ABTB2: variants seen among roughly 807,000 people sequenced by gnomAD.
The protein encoded by ABTB2 is ankyrin repeat and BTB domain containing 2, also known as ankyrin repeat and BTB/POZ domain-containing protein 2.
A neutral mutation model predicts 104.1 loss-of-function variants in ABTB2; 56 were observed. The ratio of observed to expected loss-of-function variants is 0.54; its 90% CI spans 0.43 to 0.67. ABTB2 has a LOEUF of 0.67. Among genes scored for constraint, ABTB2 ranks in the 30% least tolerant of loss-of-function variants. ABTB2 has a pLI of 0.00. For missense variants in ABTB2, 1,279 were observed against 1,407.7 expected (o/e 0.91, Z 1.46); for synonymous variants, 606 against 608.2 (o/e 1.00, Z 0.05).
Position 34,160,968 on chromosome 11 carries a change from C to A in ABTB2, c.2332G>T (p.Glu778Ter). Residue 778 changes from glutamate to a stop codon, truncating the protein, a stop_gained, in exon 11 of 17, where the codon GAG (glutamate) becomes TAG (stop). Coordinates refer to ENST00000435224, the MANE Select transcript of ABTB2 (RefSeq NM_145804.3). LOFTEE classifies it high-confidence loss of function. ...TCGGTCACCAGCTCCTCGTTGTACT[C>A]CTCCTCTCTGATGGAGCTGAAGTCC... The part of the protein sequence containing the change: ...LRDFSSIREE[E>*]YNEELVTEGL... The A allele has an allele frequency of 6.2e-7, 1 of 1,613,744 alleles. No individual in the cohort carries two copies. The highest frequency in any genetic ancestry group is 2.2e-5 in the East Asian group (1 of 44,868).
rs547563047 is a variant in ABTB2 at position 34,316,971 on chromosome 11, C to T, written c.883+39730G>A. ...AGATCTGGACGAAACACTCCAGCCC[C>T]ATCAGTGTCTGCTTCAAAACTACTG... On this transcript the variant is annotated intron_variant, in intron 1 of 16. Transcript: ENST00000435224. Among the ~76,000 whole-genome samples the T allele has an allele frequency of 3.1e-3, 474 of 152,290 alleles. 4 individuals carry two copies. Among genetic ancestry groups the T allele is most frequent in the African/African-American group, 0.011 (446 of 41,554 alleles).
chr11:34,284,915 A>G (rs1854486243), intron 1 of ABTB2, among the ~76,000 whole-genome samples: 2 of 152,110 alleles, frequency 1.3e-5, no homozygotes, highest in African/African-American at 2.4e-5. Context: ...TTCATCACTG[A>G]CACTCAGACT....
chr11:34,232,448 TCA>T lies in ABTB2; in HGVS notation c.884-27760_884-27759del, dbSNP rs1491510256. ...CTGGGCAATAGAGGGAGACTCTGTC[TCA>T]AAAAAAAAAAAAAAAATTGTTCTTA... On this transcript the variant is annotated intron_variant, in intron 1 of 16. Transcript: ENST00000435224. 6.2e-4 allele frequency among the ~76,000 whole-genome samples: 49 copies of T among 78,704 alleles called. 1 individual carries two copies. Among genetic ancestry groups the T allele is most frequent in the African/African-American group, 1.9e-3 (47 of 24,346 alleles). 51.6% of individuals were successfully genotyped at this position (78,704 alleles called of 152,430 possible). A position where few individuals can be genotyped will look rare whatever the true frequency, so the allele number is the denominator to read the frequency against.
At chr11:34,182,090 C>T (rs949575035) in intron 3 of ABTB2, among the ~76,000 whole-genome samples, 6 of 152,236 alleles carry the variant, frequency 3.9e-5, no homozygotes, top group South Asian at 4.1e-4. Context: ...GACGGCTCCA[C>T]GAACAGACTT....
chr11:34,244,639 C>T (rs1046090748), intron 1 of ABTB2, among the ~76,000 whole-genome samples: 14 of 152,162 alleles, frequency 9.2e-5, no homozygotes, highest in African/African-American at 3.4e-4. Flanking sequence ...TATTCACTCT[C>T]CCAACCCCCA....
intron 1 of ABTB2, among the ~76,000 whole-genome samples, chr11:34,268,412 C>A (rs182356755): frequency 6.6e-6 from 1 of 152,204 alleles, no homozygotes; most frequent in Non-Finnish European, 1.5e-5. Context: ...GGGGACAGGA[C>A]GGCTGACATT....
chr11:34,197,586 A>G (rs763145581), intron 2 of ABTB2, 48 bp from the exon 3 acceptor site: 7 of 1,330,110 alleles, frequency 5.3e-6, no homozygotes, highest in Non-Finnish European at 7.1e-6. Flanking sequence ...AAAAAAGAAG[A>G]CAAAGTCTGA....
At chr11:34,194,886 AGT>A (rs1853229598) in intron 3 of ABTB2, among the ~76,000 whole-genome samples, 1 of 151,894 alleles carries the variant, frequency 6.6e-6, no homozygotes, top group South Asian at 2.1e-4. Flanking sequence ...TGCTACAGAT[AGT>A]GCGGTTTTTA....
intron 3 of ABTB2, among the ~76,000 whole-genome samples, chr11:34,192,609 G>A (rs978587596): frequency 3.9e-5 from 6 of 152,332 alleles, no homozygotes; most frequent in East Asian, 1.9e-4. Context: ...AGGCGGAGAC[G>A]TGCTGTGCAG....
chr11:34,331,100 G>C (rs1855124423), intron 1 of ABTB2, among the ~76,000 whole-genome samples: 1 of 152,140 alleles, frequency 6.6e-6, no homozygotes, highest in African/African-American at 2.4e-5. Context: ...GGTTTCAAAT[G>C]GGCTGCTTGC....
chr11:34,329,621 G>T (rs1048739851), intron 1 of ABTB2, among the ~76,000 whole-genome samples: 4 of 152,220 alleles, frequency 2.6e-5, no homozygotes, highest in African/African-American at 9.6e-5. Flanking sequence ...AAGCCAACTG[G>T]TCCCCTTTCC....
chr11:34,153,519 C>T (rs1852577574), intron 16 of ABTB2, among the ~76,000 whole-genome samples: 1 of 152,152 alleles, frequency 6.6e-6, no homozygotes. Flanking sequence ...CAGATGCACG[C>T]CACCACACTC....
At chr11:34,353,277 A>T (rs1855421821) in intron 1 of ABTB2, among the ~76,000 whole-genome samples, 2 of 152,184 alleles carry the variant, frequency 1.3e-5, no homozygotes, top group South Asian at 4.1e-4. Context: ...TGCCACAGAC[A>T]CTCACAAAAG....
chr11:34,261,781 C>T (rs1268215385), intron 1 of ABTB2, among the ~76,000 whole-genome samples: 1 of 152,186 alleles, frequency 6.6e-6, no homozygotes, highest in African/African-American at 2.4e-5. Context: ...TGGCTTCCCC[C>T]ACCCAAGGCA....
At chr11:34,170,599 G>A (rs17780165) in intron 5 of ABTB2, among the ~76,000 whole-genome samples, 287 of 152,308 alleles carry the variant, frequency 1.9e-3, no homozygotes, top group Middle Eastern at 3.4e-3. Context: ...TAGCGATCGT[G>A]TCCCTAGCTG....
chr11:34,333,470 A>G (rs1476472824), intron 1 of ABTB2, among the ~76,000 whole-genome samples: 3 of 152,250 alleles, frequency 2.0e-5, no homozygotes, highest in South Asian at 2.1e-4. Context: ...ATAAAGGAAA[A>G]ACAGGCTGGG....
intron 1 of ABTB2, among the ~76,000 whole-genome samples, chr11:34,352,715 G>A (rs1338056374): frequency 2.6e-5 from 4 of 152,182 alleles, no homozygotes; most frequent in African/African-American, 9.7e-5. Context: ...CAAAATTGAA[G>A]GTTAGAATGG....
chr11:34,308,431 C>CA (rs1006790248), intron 1 of ABTB2, among the ~76,000 whole-genome samples: 1 of 152,140 alleles, frequency 6.6e-6, no homozygotes, highest in Non-Finnish European at 1.5e-5. Context: ...CTTAAGACTG[C>CA]AGTGTGGGGC....
intron 1 of ABTB2, among the ~76,000 whole-genome samples, chr11:34,320,988 G>T (rs1854994606): frequency 6.6e-6 from 1 of 152,102 alleles, no homozygotes; most frequent in Non-Finnish European, 1.5e-5. Flanking sequence ...TTCAAGACCA[G>T]CCTGACCAAC....
Sources: gnomAD v4.1 joint callset for allele counts (sites outside exome capture counted in the v4.1 genomes callset) on GRCh38, gnomAD v4.1.1 for gene constraint, MANE v1.5 for transcripts, NCBI Gene and HGNC (gene_info 2026-07-23, HGNC 2026-07-21) for gene names.